The following KCNIP4 variants were observed in gnomAD, a reference collection of about 807,000 sequenced individuals.
KCNIP4 encodes the protein potassium voltage-gated channel interacting protein 4.
KCNIP4 carries 12 observed loss-of-function variants against 34.0 expected under a neutral mutation model. The observed-to-expected ratio is 0.35, with a 90% confidence interval of 0.23 to 0.57. The LOEUF is 0.57. KCNIP4 is among the 20% of genes least tolerant of loss of function. The pLI is 0.83. For synonymous variants in KCNIP4, 124 were observed against 102.2 expected (o/e 1.21, Z -1.29); for missense variants, 238 against 311.7 (o/e 0.76, Z 1.78).
intron 3 of KCNIP4, among the ~76,000 whole-genome samples, chr4:20,817,438 T>C (rs1022515716): frequency 1.3e-5 from 2 of 152,182 alleles, no homozygotes; most frequent in Admixed American, 6.6e-5. Context: ...CTGCTAGGCA[T>C]GGTCATGATC....
chr4:21,259,545 A>G (rs1426246236), intron 1 of KCNIP4, among the ~76,000 whole-genome samples: 2 of 152,084 alleles, frequency 1.3e-5, no homozygotes, highest in African/African-American at 4.8e-5. Flanking sequence ...CCTTTCTGCC[A>G]TTGGCTACTG....
chr4:20,850,563 G>A lies in KCNIP4; in HGVS notation c.268C>T (p.Leu90Phe), dbSNP rs767665266. The A allele has an allele frequency of 1.2e-6, 2 of 1,612,884 alleles. No homozygotes were observed. The highest frequency in any genetic ancestry group is 1.1e-5 in the South Asian group (1 of 91,022). The part of the protein sequence containing the change: ...SKFTKKELQI[L>F]YRGFKNECPS... Reference sequence around the variant, plus strand: ...CTTACATTCTTAAATCCTCTGTAAAGGATCTGAAGCTCTTTCTTGGTAAAT... The same window carrying A: ...CTTACATTCTTAAATCCTCTGTAAAAGATCTGAAGCTCTTTCTTGGTAAAT... The change falls in exon 3 of 9, where the codon CTT becomes TTT. Residue 90 changes from leucine (L) to phenylalanine (F), a missense_variant. Physicochemically the swap from Leu to Phe is conservative, Grantham distance 22 (BLOSUM62 0). Transcript: ENST00000382152.
intron 1 of KCNIP4, among the ~76,000 whole-genome samples, chr4:21,575,125 G>T (rs531074873): frequency 2.0e-5 from 3 of 152,290 alleles, no homozygotes; most frequent in Non-Finnish European, 2.9e-5. Flanking sequence ...TCCAGCCTCT[G>T]TGGGAGAGGA....
At chr4:21,293,409 C>A (rs558865144) in intron 1 of KCNIP4, among the ~76,000 whole-genome samples, 6 of 152,168 alleles carry the variant, frequency 3.9e-5, no homozygotes, top group Non-Finnish European at 8.8e-5. Context: ...GCCCCTGAGA[C>A]CTTCCTGTAA....
intron 1 of KCNIP4, among the ~76,000 whole-genome samples, chr4:21,519,732 A>ATGTGTATATATACACACGTGTGTG (rs1560481020): frequency 8.8e-6 from 1 of 113,438 alleles, no homozygotes; most frequent in African/African-American, 3.8e-5. Flanking sequence ...ACACGTGTGT[A>ATGTGTATATATACACACGTGTGTG]TATGTATGAT....
chr4:21,456,504 A>C (rs1299118786), intron 1 of KCNIP4, among the ~76,000 whole-genome samples: 1 of 148,308 alleles, frequency 6.7e-6, no homozygotes, highest in Non-Finnish European at 1.5e-5. Context: ...TCTTTAAATC[A>C]ACTTATTTTT....
At chr4:20,944,609 C>T (rs373641175) in intron 1 of KCNIP4, among the ~76,000 whole-genome samples, 1 of 152,330 alleles carries the variant, frequency 6.6e-6, no homozygotes, top group East Asian at 1.9e-4. Context: ...GCTCTGCACT[C>T]ATCATGGCAG....
At chr4:20,918,601 C>T (rs975470279) in intron 1 of KCNIP4, among the ~76,000 whole-genome samples, 1 of 152,148 alleles carries the variant, frequency 6.6e-6, no homozygotes, top group African/African-American at 2.4e-5. Flanking sequence ...ATTCCAGATG[C>T]CGTACTAGGA....
At chr4:21,946,425 A>T (rs2109025444) in intron 1 of KCNIP4, among the ~76,000 whole-genome samples, 1 of 152,322 alleles carries the variant, frequency 6.6e-6, no homozygotes, top group African/African-American at 2.4e-5. Flanking sequence ...TACTTATTGG[A>T]AAGAGAACAA....
At chr4:21,083,995 G>A (rs1746212116) in intron 1 of KCNIP4, among the ~76,000 whole-genome samples, 1 of 151,838 alleles carries the variant, frequency 6.6e-6, no homozygotes, top group Non-Finnish European at 1.5e-5. Context: ...TTTCCACCCT[G>A]ATGTCTCCCA....
intron 1 of KCNIP4, among the ~76,000 whole-genome samples, chr4:20,926,276 G>A (rs1416811842): frequency 6.6e-6 from 1 of 152,150 alleles, no homozygotes; most frequent in African/African-American, 2.4e-5. Context: ...CTGGCCTCTT[G>A]GGGTCTTTGC....
chr4:21,038,014 C>T (rs905521804), intron 1 of KCNIP4, among the ~76,000 whole-genome samples: 9 of 152,170 alleles, frequency 5.9e-5, no homozygotes, highest in Non-Finnish European at 7.3e-5. Flanking sequence ...GACGGAGTCT[C>T]GCTCTGTCGC....
At chr4:21,809,179 A>G (rs1339350944) in intron 1 of KCNIP4, among the ~76,000 whole-genome samples, 2 of 152,140 alleles carry the variant, frequency 1.3e-5, no homozygotes, top group Non-Finnish European at 2.9e-5. Context: ...AGATTCACCA[A>G]TGTGGGTAGG....
chr4:21,572,110 G>C (rs1740408403), intron 1 of KCNIP4, among the ~76,000 whole-genome samples: 1 of 152,234 alleles, frequency 6.6e-6, no homozygotes, highest in Non-Finnish European at 1.5e-5. Context: ...CATCCTGATT[G>C]CTGGGGATTC....
chr4:21,409,964 C>A (rs1273823219), intron 1 of KCNIP4, among the ~76,000 whole-genome samples: 1 of 152,096 alleles, frequency 6.6e-6, no homozygotes, highest in African/African-American at 2.4e-5. Flanking sequence ...GTAGGAAGAC[C>A]TGCCTGGTTG....
chr4:21,144,275 C>G (rs1364728020), intron 1 of KCNIP4, among the ~76,000 whole-genome samples: 2 of 152,112 alleles, frequency 1.3e-5, no homozygotes, highest in Non-Finnish European at 2.9e-5. Context: ...CCATACCATG[C>G]TAAAGAGTTA....
At chr4:21,379,591 T>C (rs1721290191) in intron 1 of KCNIP4, among the ~76,000 whole-genome samples, 1 of 152,190 alleles carries the variant, frequency 6.6e-6, no homozygotes, top group South Asian at 2.1e-4. Context: ...TCCCAAGTGA[T>C]TATAGAAAGA....
At chr4:21,311,194 T>C (rs1713117916) in intron 1 of KCNIP4, among the ~76,000 whole-genome samples, 1 of 152,168 alleles carries the variant, frequency 6.6e-6, no homozygotes, top group African/African-American at 2.4e-5. Context: ...AATTGAATTA[T>C]CTTAATATGT....
At chr4:21,432,658 T>A (rs529611205) in intron 1 of KCNIP4, among the ~76,000 whole-genome samples, 1 of 152,070 alleles carries the variant, frequency 6.6e-6, no homozygotes, top group African/African-American at 2.4e-5. Context: ...GAATGGAAGG[T>A]GAAAAACCAG....
Sources: gnomAD v4.1 joint callset for allele counts (sites outside exome capture counted in the v4.1 genomes callset) on GRCh38, gnomAD v4.1.1 for gene constraint, MANE v1.5 for transcripts, NCBI Gene and HGNC (gene_info 2026-07-23, HGNC 2026-07-21) for gene names.